Variants in MAP4K3 observed in about 807,000 individuals in gnomAD.
MAP4K3 encodes mitogen-activated protein kinase kinase kinase kinase 3.
Under a neutral mutation model 143.5 loss-of-function variants are expected in MAP4K3, and 94 were observed. The ratio of observed to expected loss-of-function variants is 0.65; its 90% CI spans 0.55 to 0.78. MAP4K3 has a LOEUF of 0.78. Among genes scored for constraint, MAP4K3 ranks in the 30% least tolerant of loss-of-function variants. The probability of loss-of-function intolerance (pLI) is 0.00; values close to 1 mark genes in which losing one functional copy is unlikely to be tolerated. For synonymous variants in MAP4K3, 416 were observed against 347.2 expected, an observed-to-expected ratio of 1.20 and a Z score of -2.20; for missense variants, 1,077 against 1,068.1, an observed-to-expected ratio of 1.01 and a Z score of -0.12.
intron 26 of MAP4K3, among the ~76,000 whole-genome samples, chr2:39,270,803 G>A (rs1680985427): frequency 6.6e-6 from 1 of 152,070 alleles, no homozygotes; most frequent in African/African-American, 2.4e-5. Context: ...CTCACTGTAT[G>A]GCAGAAGAAA....
rs1401117671 is a variant in MAP4K3 at position 39,292,715 on chromosome 2, G to C, written c.1271+58C>G. ...TCCATCAATATTAAGCTGCCAGATT[G>C]ATGAAATCAGGTCAAATGACACCTT... On this transcript the variant is annotated intron_variant, in intron 18 of 33. Coordinates refer to ENST00000263881, the MANE Select transcript of MAP4K3 (RefSeq NM_003618.4). 5 of 1,364,434 alleles carry C rather than the reference G, an allele frequency of 3.7e-6. No individual in the cohort carries two copies. The South Asian group carries it at 4.7e-5, about 13-fold the overall frequency. The allele number at this position is 1,364,434 out of a possible 1,614,324, so 84.5% of individuals were successfully genotyped here.
At chr2:39,270,785 A>C (rs998589164) in intron 26 of MAP4K3, among the ~76,000 whole-genome samples, 1 of 152,182 alleles carries the variant, frequency 6.6e-6, no homozygotes, top group Non-Finnish European at 1.5e-5. Flanking sequence ...GTAGAGGTTT[A>C]AGTTGTGCTC....
Position 39,261,602 on chromosome 2 carries a change from C to T in MAP4K3, c.2137-825G>A, listed in dbSNP as rs564322683. On this transcript the variant is annotated intron_variant, in intron 28 of 33. Transcript: ENST00000263881. ...TTTATTAATGCTGGAAGTAGGCATT[C>T]CTTAGGACCTTGCAATAATACTCCT... 2.5e-4 allele frequency among the ~76,000 whole-genome samples: 38 copies of T among 152,210 alleles called. No homozygotes were observed. In the East Asian group the frequency reaches 7.3e-3, roughly 29 times the overall value.
chr2:39,292,750 C>T, intron 18 of MAP4K3, 23 bp downstream of exon 18: 1 of 1,601,012 alleles, frequency 6.2e-7, no homozygotes, highest in Non-Finnish European at 8.5e-7. Flanking sequence ...TTTCTTTTTA[C>T]CAAAAACAGA....
chr2:39,273,113 G>C (rs988027613), intron 24 of MAP4K3, among the ~76,000 whole-genome samples: 1 of 152,050 alleles, frequency 6.6e-6, no homozygotes, highest in African/African-American at 2.4e-5. Context: ...TAAGAACTGA[G>C]AGGCATCTCT....
At chr2:39,280,142 T>TA (rs975249120) in intron 23 of MAP4K3, 130 bp downstream of exon 23, 2,553 of 482,880 alleles carry the variant, frequency 5.3e-3, no homozygotes, top group South Asian at 8.0e-3. Flanking sequence ...TACCTTAAAA[T>TA]AAAAAAAAAA....
At chr2:39,309,548 ATTTTTTTTTTTTTTT>A (rs749101883) in intron 13 of MAP4K3, 29 bp from the exon 14 acceptor site, 2 of 339,386 alleles carry the variant, frequency 5.9e-6, no homozygotes, top group African/African-American at 4.2e-5. Context: ...TAAAACCAGG[ATTTTTTTTTTTTTTT>A]TTTTTTTTTT....
chr2:39,396,397 TAA>T (rs1666806228), intron 1 of MAP4K3, among the ~76,000 whole-genome samples: 1 of 151,892 alleles, frequency 6.6e-6, no homozygotes, highest in Non-Finnish European at 1.5e-5. Flanking sequence ...TAAAATAAGA[TAA>T]AAGACAATTC....
intron 1 of MAP4K3, among the ~76,000 whole-genome samples, chr2:39,422,142 AAGAT>A (rs1487063041): frequency 6.6e-6 from 1 of 151,914 alleles, no homozygotes; most frequent in Non-Finnish European, 1.5e-5. Flanking sequence ...GAAAAACACT[AAGAT>A]AGAAATGCTA....
At chr2:39,394,811 G>C (rs1666760825) in intron 1 of MAP4K3, among the ~76,000 whole-genome samples, 1 of 152,126 alleles carries the variant, frequency 6.6e-6, no homozygotes, top group Non-Finnish European at 1.5e-5. Context: ...GCAGCAACTA[G>C]ATCTTTGATA....
chr2:39,384,352 C>A (rs1666436220), intron 1 of MAP4K3, among the ~76,000 whole-genome samples: 1 of 152,180 alleles, frequency 6.6e-6, no homozygotes, highest in Non-Finnish European at 1.5e-5. Context: ...TCAAGACCAG[C>A]CTGACCAATA....
intron 16 of MAP4K3, among the ~76,000 whole-genome samples, chr2:39,297,671 C>T (rs1016542003): frequency 4.6e-5 from 7 of 152,090 alleles, no homozygotes; most frequent in Non-Finnish European, 1.0e-4. Flanking sequence ...CAGGAAATCC[C>T]GTTTTTAAAA....
intron 26 of MAP4K3, among the ~76,000 whole-genome samples, chr2:39,270,210 G>T (rs1680955099): frequency 6.6e-6 from 1 of 152,194 alleles, no homozygotes; most frequent in South Asian, 2.1e-4. Context: ...ATTAAGTATG[G>T]CTGTGAATTA....
intron 24 of MAP4K3, 113 bp from the exon 25 acceptor site, chr2:39,272,655 A>C: frequency 1.4e-6 from 1 of 739,122 alleles, no homozygotes; most frequent in Non-Finnish European, 2.3e-6. Context: ...TTAAAAGTAA[A>C]TTATTTTTAA....
At chr2:39,369,309 C>T (rs987436023) in intron 2 of MAP4K3, among the ~76,000 whole-genome samples, 3 of 149,924 alleles carry the variant, frequency 2.0e-5, no homozygotes, top group African/African-American at 7.4e-5. Context: ...GATTCTCCTG[C>T]CTCAGCCTCT....
intron 15 of MAP4K3, among the ~76,000 whole-genome samples, chr2:39,305,089 T>C (rs911618006): frequency 2.0e-5 from 3 of 152,170 alleles, no homozygotes; most frequent in African/African-American, 7.2e-5. Context: ...TTAATGAGTA[T>C]AGAGTTTTAG....
chr2:39,343,594 T>C (rs887345076), intron 3 of MAP4K3, 142 bp from the exon 4 acceptor site: 30 of 611,572 alleles, frequency 4.9e-5, no homozygotes, highest in Non-Finnish European at 7.7e-5. Flanking sequence ...AATTAATCTT[T>C]ATGAGTAATG....
At position 39,384,038 on chromosome 2, in the gene MAP4K3, C is replaced by A. The variant is rs186736181; in HGVS notation, c.97-5915G>T. ...AGGTGGGAGGAGGATCAATTGAGCC[C>A]AAGAGATCAAGGCTGCAGTGAGCTA... is the stretch of plus-strand genomic sequence containing the variant. On this transcript the variant is annotated intron_variant, in intron 1 of 33. Transcript: ENST00000263881. Among the ~76,000 whole-genome samples the A allele has an allele frequency of 7.3e-5, 11 of 151,372 alleles. No homozygotes were observed. The East Asian group carries it at 2.1e-3, about 30-fold the overall frequency.
chr2:39,331,346 T>TG (rs1683675551), intron 8 of MAP4K3, among the ~76,000 whole-genome samples: 1 of 152,132 alleles, frequency 6.6e-6, no homozygotes, highest in Non-Finnish European at 1.5e-5. Flanking sequence ...GCGAGTAGGA[T>TG]AGTTTTTATA....
Sources: allele counts gnomAD v4.1 joint callset (sites outside exome capture counted in the v4.1 genomes callset), GRCh38; gene constraint gnomAD v4.1.1; transcripts MANE v1.5; gene names NCBI Gene and HGNC (gene_info 2026-07-23, HGNC 2026-07-21).